The following NLRC4 variants were observed in gnomAD, a reference collection of about 807,000 sequenced individuals.
NLRC4 encodes NLR family CARD domain-containing protein 4.
A neutral mutation model predicts 79.9 loss-of-function variants in NLRC4; 63 were observed. The observed-to-expected ratio is 0.79, with a 90% confidence interval of 0.64 to 0.97. The LOEUF (loss-of-function observed/expected upper bound fraction) is 0.97. Among genes scored for constraint, NLRC4 ranks in the 50% least tolerant of loss-of-function variants. NLRC4 has a pLI of 0.00. For synonymous variants in NLRC4, 461 were observed against 456.5 expected (o/e 1.01, Z -0.12); for missense variants, 1,074 against 1,215.2 (o/e 0.88, Z 1.73).
chr2:32,224,762 G>A lies in NLRC4; in HGVS notation c.2786C>T (p.Ala929Val), dbSNP rs762837794. ...TTTCAGAGGGTTCTTTCCAAAAAAT[G>A]CACCTGGGTAAAGAAATAAGTATAT... is the stretch of plus-strand genomic sequence containing the variant. ...LTDTEIRILG[A>V]FFGKNPLKNF... is the part of the protein sequence containing the mutation. The change falls in exon 9 of 9, where the codon GCA becomes GTA. Residue 929 changes from alanine to valine, a missense_variant. Transcript: ENST00000402280. 1 of 1,553,936 alleles carries A rather than the reference G, an allele frequency of 6.4e-7. No homozygotes were observed. Among genetic ancestry groups the A allele is most frequent in the South Asian group, 1.2e-5 (1 of 81,796 alleles).
At chr2:32,240,988 A>C in intron 5 of NLRC4, 45 bp downstream of exon 5, 2 of 1,213,994 alleles carry the variant, frequency 1.6e-6, no homozygotes, top group Non-Finnish European at 2.4e-6. Flanking sequence ...AACTCCTCTT[A>C]TTATCAAACT....
At chr2:32,227,632 C>T (rs770586542) in intron 8 of NLRC4, among the ~76,000 whole-genome samples, 1 of 152,184 alleles carries the variant, frequency 6.6e-6, no homozygotes, top group Non-Finnish European at 1.5e-5. Flanking sequence ...ATTCCACCCT[C>T]ACAGGGTGAG....
At chr2:32,233,349 A>ATATTT (rs1418146489) in intron 8 of NLRC4, among the ~76,000 whole-genome samples, 11 of 41,098 alleles carry the variant, frequency 2.7e-4, no homozygotes, top group Non-Finnish European at 3.1e-4. Flanking sequence ...ATATATATAT[A>ATATTT]TTTTTTTTTT....
intron 8 of NLRC4, among the ~76,000 whole-genome samples, chr2:32,231,099 C>T (rs1686522080): frequency 6.6e-6 from 1 of 152,108 alleles, no homozygotes; most frequent in Non-Finnish European, 1.5e-5. Context: ...TGTTCAGATT[C>T]TTGCCCATTT....
rs56826292 is a variant in NLRC4 at position 32,232,580 on chromosome 2, A to G, written c.2782+2821T>C. On this transcript the variant is annotated intron_variant, in intron 8 of 8. Coordinates refer to ENST00000402280, the MANE Select transcript of NLRC4 (RefSeq NM_001199138.2). The stretch of plus-strand genomic sequence containing the variant: ...CACTCTTCATTTCACCATTGCATCT[A>G]TCACACACATCCATCACTCAAAGTC... Among the ~76,000 whole-genome samples the G allele has an allele frequency of 1.1e-4, 16 of 152,292 alleles. No homozygotes were observed. The East Asian group carries it at 2.7e-3, about 26-fold the overall frequency.
rs181389299 is a variant in NLRC4, at chr2:32,229,230, G to C, written c.2783-4465C>G. On this transcript the variant is annotated intron_variant, in intron 8 of 8. Coordinates refer to ENST00000402280, the MANE Select transcript of NLRC4 (RefSeq NM_001199138.2). ...AGATCACTTGAGGTCGGGAGTTTGA[G>C]ACCAGCCTGGCCAACATGATGAAAC... Among the ~76,000 whole-genome samples the C allele has an allele frequency of 2.9e-3, 429 of 150,118 alleles. 7 individuals carry two copies. The highest frequency in any genetic ancestry group is 0.022 in the East Asian group (104 of 4,780).
intron 4 of NLRC4, among the ~76,000 whole-genome samples, chr2:32,247,732 A>G (rs1686970907): frequency 6.6e-6 from 1 of 151,978 alleles, no homozygotes; most frequent in Admixed American, 6.6e-5. Flanking sequence ...ATGGCTCCCA[A>G]TCTAACAGCT....
intron 5 of NLRC4, among the ~76,000 whole-genome samples, chr2:32,239,732 T>C (rs1422555644): frequency 6.6e-6 from 1 of 152,204 alleles, no homozygotes; most frequent in Non-Finnish European, 1.5e-5. Flanking sequence ...AAGCAGGCTA[T>C]CCTAGAGAGG....
chr2:32,239,716 T>C lies in NLRC4; in HGVS notation c.2350+1317A>G, dbSNP rs896242016. Reference sequence around the variant, plus strand: ...TCAAGTTCACATTTTGATTCCTTAATAGCAGAAGCAGGCTATCCTAGAGAG... The same window carrying C: ...TCAAGTTCACATTTTGATTCCTTAACAGCAGAAGCAGGCTATCCTAGAGAG... On this transcript the variant is annotated intron_variant, in intron 5 of 8. Coordinates refer to ENST00000402280, the MANE Select transcript of NLRC4 (RefSeq NM_001199138.2). 6.4e-4 allele frequency among the ~76,000 whole-genome samples: 97 copies of C among 152,212 alleles called. 2 individuals carry two copies. The highest frequency in any genetic ancestry group is 1.3e-4 in the Admixed American group (2 of 15,274).
Position 32,250,620 on chromosome 2 carries a change from C to T in NLRC4, c.1244G>A (p.Ser415Asn). Residue 415 changes from serine to asparagine, a missense_variant, in exon 4 of 9, where the codon AGC becomes AAC. Coordinates refer to ENST00000402280, the MANE Select transcript of NLRC4 (RefSeq NM_001199138.2). This position sits in a 1 kb window ranked among gnomAD's most constrained non-coding sequence, Gnocchi z 4.9. ...KFDFELQDVS[S>N]VNEDVLLTTG... Reference sequence around the variant, plus strand: ...TGTCAGCAGGACATCCTCATTCACGCTGGACACATCCTGCAGTTCGAAATC... The same window carrying T: ...TGTCAGCAGGACATCCTCATTCACGTTGGACACATCCTGCAGTTCGAAATC... The T allele has an allele frequency of 6.2e-7, 1 of 1,614,170 alleles. No homozygotes were observed. Among genetic ancestry groups the T allele is most frequent in the South Asian group, 1.1e-5 (1 of 91,076 alleles).
intron 4 of NLRC4, among the ~76,000 whole-genome samples, chr2:32,243,723 A>C (rs2148938046): frequency 6.6e-6 from 1 of 150,610 alleles, no homozygotes; most frequent in East Asian, 2.0e-4. Flanking sequence ...GCTTGAACCC[A>C]GGAGGCGGCG....
chr2:32,233,343 ATATATATTT>A lies in NLRC4; in HGVS notation c.2782+2049_2782+2057del, dbSNP rs1211023618. Among the ~76,000 whole-genome samples, 275 of 54,740 alleles carry A rather than the reference ATATATATTT, an allele frequency of 5.0e-3. 6 individuals carry two copies. Among genetic ancestry groups the A allele is most frequent in the South Asian group, 0.017 (36 of 2,084 alleles). The allele number at this position is 54,740 out of a possible 152,430, so 35.9% of individuals were successfully genotyped here. A position where few individuals can be genotyped will look rare whatever the true frequency, so the allele number is the denominator to read the frequency against. On this transcript the variant is annotated intron_variant, in intron 8 of 8. Coordinates refer to ENST00000402280, the MANE Select transcript of NLRC4 (RefSeq NM_001199138.2). The stretch of plus-strand genomic sequence containing the variant: ...TAAATATATATATATATATATATAT[ATATATATTT>A]TTTTTTTTTTTTTTTTAATTGTAGA...
At chr2:32,229,350 G>A (rs1686478076) in intron 8 of NLRC4, among the ~76,000 whole-genome samples, 1 of 152,238 alleles carries the variant, frequency 6.6e-6, no homozygotes, top group Non-Finnish European at 1.5e-5. Flanking sequence ...GGTAATCCCA[G>A]CTACTGGGGA....
intron 3 of NLRC4, among the ~76,000 whole-genome samples, chr2:32,251,906 G>C (rs536039088): frequency 6.6e-6 from 1 of 152,276 alleles, no homozygotes; most frequent in Non-Finnish European, 1.5e-5. Flanking sequence ...GAGAAAGATG[G>C]TTAGGGATAA....
chr2:32,260,035 C>G (rs1193108403), intron 1 of NLRC4, among the ~76,000 whole-genome samples: 6 of 151,910 alleles, frequency 3.9e-5, no homozygotes, highest in Non-Finnish European at 2.9e-5. Context: ...TCAAGACCAG[C>G]CTGGCCAACA....
At chr2:32,248,597 A>G (rs1223080349) in intron 4 of NLRC4, among the ~76,000 whole-genome samples, 4 of 152,152 alleles carry the variant, frequency 2.6e-5, no homozygotes, top group Non-Finnish European at 4.4e-5. Context: ...AGGCAGTAGA[A>G]CTGCTTGATC....
intron 6 of NLRC4, among the ~76,000 whole-genome samples, chr2:32,236,671 T>C (rs1025877662): frequency 2.0e-5 from 3 of 152,184 alleles, no homozygotes; most frequent in Non-Finnish European, 4.4e-5. Flanking sequence ...TCTTCCTCTA[T>C]AGAATGAGGT....
chr2:32,241,610 C>A (rs1165287715), intron 4 of NLRC4, among the ~76,000 whole-genome samples: 2 of 152,078 alleles, frequency 1.3e-5, no homozygotes, highest in Non-Finnish European at 2.9e-5. Context: ...AATCTCCTGA[C>A]CTCGTGATCC....
Position 32,238,316 on chromosome 2 carries a change from G to C in NLRC4, c.2351-14C>G. The stretch of plus-strand genomic sequence containing the variant: ...TCAGGCCTTCAGCTGAAAAATGATA[G>C]AAAGGAATGCATTAGGATACCAAGT... On this transcript the variant is annotated splice_polypyrimidine_tract_variant and intron_variant, in intron 5 of 8. Coordinates refer to ENST00000402280, the MANE Select transcript of NLRC4 (RefSeq NM_001199138.2). 6.2e-7 allele frequency: 1 copy of C among 1,603,454 alleles called. No individual in the cohort carries two copies.
Sources: allele counts gnomAD v4.1 joint callset (sites outside exome capture counted in the v4.1 genomes callset), GRCh38; gene constraint gnomAD v4.1.1; non-coding constraint Gnocchi (gnomAD v3.1); transcripts MANE v1.5; gene names NCBI Gene and HGNC (gene_info 2026-07-23, HGNC 2026-07-21).